Variants in LRRC18 observed in about 807,000 individuals in gnomAD.
LRRC18 encodes the protein leucine-rich repeat-containing protein 18.
LRRC18 carries 12 observed loss-of-function variants against 11.2 expected under a neutral mutation model. The ratio of observed to expected loss-of-function variants is 1.07; its 90% CI spans 0.69 to 1.74. The LOEUF (loss-of-function observed/expected upper bound fraction) is 1.74. LRRC18 is among the 40% of genes most tolerant of loss of function. The pLI, the probability that LRRC18 is intolerant of heterozygous loss-of-function variation, is 0.00. For synonymous variants in LRRC18, 155 were observed against 130.6 expected, an observed-to-expected ratio of 1.19 and a Z score of -1.27; for missense variants, 374 against 330.5, an observed-to-expected ratio of 1.13 and a Z score of -1.02.
the LRRC18 span, among the ~76,000 whole-genome samples, chr10:48,936,789 G>C: frequency 1.4e-5 from 2 of 146,254 alleles, no homozygotes; most frequent in Non-Finnish European, 3.0e-5. Flanking sequence ...AGTGAGCCGA[G>C]ATCGCGCCAC....
chr10:48,923,671 T>C, the LRRC18 span, among the ~76,000 whole-genome samples: 7 of 151,884 alleles, frequency 4.6e-5, no homozygotes, highest in African/African-American at 1.7e-4. Context: ...GTGCCTACCA[T>C]TTATCAACCC....
chr10:48,925,297 C>T, the LRRC18 span, among the ~76,000 whole-genome samples: 3 of 152,142 alleles, frequency 2.0e-5, no homozygotes, highest in East Asian at 1.9e-4. Flanking sequence ...TAAAGAGAGG[C>T]GGGGCTGTAT....
the LRRC18 span, among the ~76,000 whole-genome samples, chr10:48,928,497 T>C: frequency 0.011 from 1,599 of 151,956 alleles, 11 homozygotes; most frequent in Non-Finnish European, 0.016. Flanking sequence ...GAAACCCTAT[T>C]CAGACCCTGC....
At chr10:48,920,366 T>C in the LRRC18 span, among the ~76,000 whole-genome samples, 9 of 65,818 alleles carry the variant, frequency 1.4e-4, no homozygotes, top group Middle Eastern at 7.6e-3. Flanking sequence ...GGGCCTGTTG[T>C]GGGGTGGGGG....
chr10:48,927,465 T>A, the LRRC18 span, among the ~76,000 whole-genome samples: 1 of 152,162 alleles, frequency 6.6e-6, no homozygotes, highest in Non-Finnish European at 1.5e-5. Flanking sequence ...TCCCATTACG[T>A]CAAAACTTCC....
the LRRC18 span, among the ~76,000 whole-genome samples, chr10:48,925,774 G>A: frequency 6.6e-6 from 1 of 152,230 alleles, no homozygotes; most frequent in South Asian, 2.1e-4. Flanking sequence ...AGTTTGGGGG[G>A]ATTTCTGACA....
the LRRC18 span, among the ~76,000 whole-genome samples, chr10:48,934,416 C>T: frequency 6.6e-6 from 1 of 152,182 alleles, no homozygotes; most frequent in Admixed American, 6.5e-5. Context: ...GGGGATACAG[C>T]AATTGAGGCT....
the LRRC18 span, chr10:48,935,053 C>T: frequency 2.0e-5 from 3 of 152,190 alleles, no homozygotes; most frequent in Admixed American, 2.0e-4. Context: ...ACTGGGAAAA[C>T]AGGCATTTCC....
intron 1 of LRRC18, 101 bp downstream of exon 3, chr10:48,913,289 GCT>G (rs1838175484): frequency 2.7e-6 from 3 of 1,097,098 alleles, no homozygotes; most frequent in Non-Finnish European, 3.9e-6. Flanking sequence ...TGAAAGAGCT[GCT>G]GCAGCCACAG....
the LRRC18 span, among the ~76,000 whole-genome samples, chr10:48,929,729 A>G: frequency 6.6e-6 from 1 of 152,164 alleles, no homozygotes; most frequent in African/African-American, 2.4e-5. Flanking sequence ...GATGATGATA[A>G]GCATCTCAAA....
upstream of LRRC18, among the ~76,000 whole-genome samples, chr10:48,915,996 G>A (rs1010652970): frequency 6.6e-6 from 1 of 152,174 alleles, no homozygotes; most frequent in Non-Finnish European, 1.5e-5. Flanking sequence ...AAACAAAGTG[G>A]AGTCCAAGTC....
the LRRC18 span, among the ~76,000 whole-genome samples, chr10:48,919,811 G>C: frequency 1.3e-5 from 2 of 152,008 alleles, no homozygotes; most frequent in Non-Finnish European, 2.9e-5. Context: ...ATTTTTGGGG[G>C]ACACAAACAT....
At chr10:48,913,442 G>A (rs770338333) in exon 1 of LRRC18, 1 of 1,613,340 alleles carries the variant, frequency 6.2e-7, no homozygotes, top group Non-Finnish European at 8.5e-7. Flanking sequence ...AGATCAGATT[G>A]GGAAAGATGG....
chr10:48,926,276 G>A, the LRRC18 span, among the ~76,000 whole-genome samples: 103 of 152,360 alleles, frequency 6.8e-4, no homozygotes, highest in Non-Finnish European at 3.8e-4. Flanking sequence ...CAGGAAGGGT[G>A]TTCCTGTTTT....
the LRRC18 span, among the ~76,000 whole-genome samples, chr10:48,927,411 C>T: frequency 2.0e-5 from 3 of 152,212 alleles, no homozygotes; most frequent in Non-Finnish European, 2.9e-5. Context: ...TTTGTCCAGG[C>T]TCACACAGCT....
the LRRC18 span, among the ~76,000 whole-genome samples, chr10:48,929,472 T>G: frequency 6.6e-6 from 1 of 151,974 alleles, no homozygotes; most frequent in East Asian, 1.9e-4. Context: ...GGGAGGAAGT[T>G]GATTGGGTGG....
At chr10:48,923,165 A>G in the LRRC18 span, among the ~76,000 whole-genome samples, 1,121 of 152,246 alleles carry the variant, frequency 7.4e-3, 15 homozygotes, top group African/African-American at 0.026. Flanking sequence ...AAGCCCCCAC[A>G]CAACCAGTTC....
upstream of LRRC18, among the ~76,000 whole-genome samples, chr10:48,914,778 A>G (rs1838352298): frequency 6.6e-6 from 1 of 152,194 alleles, no homozygotes; most frequent in Admixed American, 6.5e-5. Flanking sequence ...AACAGTAGCC[A>G]TGCAGAAAAG....
upstream of LRRC18, chr10:48,914,292 C>G: frequency 1.1e-6 from 1 of 895,730 alleles, no homozygotes. Flanking sequence ...GGCTCCCCCA[C>G]GTCATGACGC....
Sources: allele counts gnomAD v4.1 joint callset (sites outside exome capture counted in the v4.1 genomes callset), GRCh38; gene constraint gnomAD v4.1.1; transcripts MANE v1.5; gene names NCBI Gene and HGNC (gene_info 2026-07-23, HGNC 2026-07-21).